The following MAPKAP1 variants were observed in gnomAD, a reference collection of about 807,000 sequenced individuals.
MAPKAP1 encodes the protein MAPK associated protein 1, also known as target of rapamycin complex 2 subunit MAPKAP1.
Under a neutral mutation model 65.7 loss-of-function variants are expected in MAPKAP1, and 20 were observed. The ratio of observed to expected loss-of-function variants is 0.30; its 90% CI spans 0.21 to 0.44. The LOEUF (loss-of-function observed/expected upper bound fraction) is 0.44. Ranked by LOEUF, MAPKAP1 falls within the 20% of genes least tolerant of loss-of-function variation. The pLI is 1.00. For synonymous variants in MAPKAP1, 222 were observed against 244.3 expected (o/e 0.91, Z 0.85); for missense variants, 423 against 648.0 (o/e 0.65, Z 3.77).
intron 6 of MAPKAP1, among the ~76,000 whole-genome samples, chr9:125,558,261 T>C (rs1044453129): frequency 6.6e-6 from 1 of 152,174 alleles, no homozygotes; most frequent in Non-Finnish European, 1.5e-5. Context: ...AGATTAAAAA[T>C]AGTTAAGATG....
intron 7 of MAPKAP1, among the ~76,000 whole-genome samples, chr9:125,522,775 C>A (rs760277755): frequency 1.2e-4 from 18 of 152,288 alleles, no homozygotes; most frequent in Non-Finnish European, 2.4e-4. Flanking sequence ...AAATTCCTTA[C>A]CCCACTCTCA....
intron 9 of MAPKAP1, among the ~76,000 whole-genome samples, chr9:125,475,832 A>G (rs968020654): frequency 1.3e-5 from 2 of 152,220 alleles, no homozygotes; most frequent in Non-Finnish European, 1.5e-5. Context: ...AAGAGAATTT[A>G]CAGTATCACT....
At chr9:125,506,234 G>T in intron 8 of MAPKAP1, 76 bp downstream of exon 8, 2 of 1,252,836 alleles carry the variant, frequency 1.6e-6, no homozygotes, top group South Asian at 2.4e-5. Context: ...CCAGACCAGT[G>T]AGCGTTTCCA....
At chr9:125,693,510 TACAC>T (rs201539307) in intron 1 of MAPKAP1, among the ~76,000 whole-genome samples, 2,863 of 139,364 alleles carry the variant, frequency 0.021, 159 homozygotes, top group East Asian at 0.16. Flanking sequence ...TATATACACA[TACAC>T]ACACATATAT....
chr9:125,698,278 AATATATATAAATATATATATATAT>A (rs1407442906), intron 1 of MAPKAP1, among the ~76,000 whole-genome samples: 4 of 26,596 alleles, frequency 1.5e-4, no homozygotes, highest in African/African-American at 2.6e-4. Flanking sequence ...TATAATACAT[AATATATATAAATATATATATATAT>A]ATATATATAT....
intron 8 of MAPKAP1, among the ~76,000 whole-genome samples, chr9:125,503,483 G>A (rs73591564): frequency 0.014 from 2,134 of 152,264 alleles, 46 homozygotes; most frequent in African/African-American, 0.047. Flanking sequence ...ATGACTTTAG[G>A]ATGACCATTT....
In MAPKAP1 at chr9:125,645,554, T is replaced by C. The variant is rs555643268; in HGVS notation, c.498+12097A>G. Among the ~76,000 whole-genome samples, 7 of 152,104 alleles carry C rather than the reference T, an allele frequency of 4.6e-5. No homozygotes were observed. The South Asian group carries it at 8.3e-4, about 18-fold the overall frequency. On this transcript the variant is annotated intron_variant, in intron 4 of 11. Coordinates refer to ENST00000265960, the MANE Select transcript of MAPKAP1 (RefSeq NM_001006617.3). ...GAGTTCAAGACCAGCCTGGCCAACA[T>C]GGTGAAACCCCGTCTCTACTAAAAA...
intron 5 of MAPKAP1, among the ~76,000 whole-genome samples, chr9:125,583,934 G>C (rs892158593): frequency 2.0e-5 from 3 of 152,144 alleles, no homozygotes; most frequent in Non-Finnish European, 4.4e-5. Context: ...GTGGTGGTAG[G>C]TGCCTGTAGT....
chr9:125,661,445 C>A (rs933463588), intron 3 of MAPKAP1, among the ~76,000 whole-genome samples: 1 of 152,196 alleles, frequency 6.6e-6, no homozygotes, highest in East Asian at 1.9e-4. Context: ...TGGGTTGGCA[C>A]TGGTACATGC....
intron 7 of MAPKAP1, among the ~76,000 whole-genome samples, chr9:125,538,427 A>C (rs1471388814): frequency 2.0e-5 from 3 of 152,064 alleles, no homozygotes; most frequent in Non-Finnish European, 4.4e-5. Flanking sequence ...AAAATTCAAG[A>C]CTGACAGCTG....
At chr9:125,644,922 G>GT (rs1564598967) in intron 4 of MAPKAP1, among the ~76,000 whole-genome samples, 1 of 151,988 alleles carries the variant, frequency 6.6e-6, no homozygotes, top group African/African-American at 2.4e-5. Flanking sequence ...TGAAAAATGT[G>GT]TTTTTTTAAT....
At chr9:125,590,078 T>A (rs1269238845) in intron 4 of MAPKAP1, among the ~76,000 whole-genome samples, 1 of 152,184 alleles carries the variant, frequency 6.6e-6, no homozygotes, top group Non-Finnish European at 1.5e-5. Flanking sequence ...TTGTCATTGC[T>A]CTCTCTTTTT....
At chr9:125,542,018 C>A (rs761439664) in intron 7 of MAPKAP1, among the ~76,000 whole-genome samples, 1 of 152,190 alleles carries the variant, frequency 6.6e-6, no homozygotes, top group Non-Finnish European at 1.5e-5. Flanking sequence ...TGCTTGCAGA[C>A]GCTAGCAGGT....
chr9:125,455,381 C>A (rs1456903794), intron 10 of MAPKAP1, among the ~76,000 whole-genome samples: 7 of 152,200 alleles, frequency 4.6e-5, no homozygotes, highest in African/African-American at 1.7e-4. Context: ...CCCCTTGCTT[C>A]CTTTTTCACC....
chr9:125,560,454 T>C (rs531931), intron 5 of MAPKAP1, among the ~76,000 whole-genome samples: 135,996 of 152,070 alleles, frequency 0.89, 62,581 homozygotes, highest in East Asian at 1. Context: ...CATGGTGGTA[T>C]GCGCCTGTAG....
chr9:125,698,339 A>AAT (rs1835493812), intron 1 of MAPKAP1, among the ~76,000 whole-genome samples: 4 of 108,502 alleles, frequency 3.7e-5, no homozygotes, highest in African/African-American at 1.4e-4. Flanking sequence ...ATATATATAA[A>AAT]ATATATATAT....
chr9:125,464,983 A>G (rs1853624721), intron 10 of MAPKAP1, among the ~76,000 whole-genome samples: 1 of 152,108 alleles, frequency 6.6e-6, no homozygotes, highest in African/African-American at 2.4e-5. Context: ...ACATGTCTCA[A>G]CTAAGACTGG....
intron 4 of MAPKAP1, among the ~76,000 whole-genome samples, chr9:125,639,129 T>C (rs995777326): frequency 4.6e-5 from 7 of 152,276 alleles, no homozygotes; most frequent in African/African-American, 1.7e-4. Flanking sequence ...TAGTCCCAGC[T>C]ACTGGGGAGC....
At chr9:125,556,660 G>C (rs1318500410) in intron 6 of MAPKAP1, among the ~76,000 whole-genome samples, 2 of 152,190 alleles carry the variant, frequency 1.3e-5, no homozygotes, top group Non-Finnish European at 2.9e-5. Flanking sequence ...GAGACAAATG[G>C]AAGGAGGAAA....
Sources: gnomAD v4.1 joint callset for allele counts (sites outside exome capture counted in the v4.1 genomes callset) on GRCh38, gnomAD v4.1.1 for gene constraint, MANE v1.5 for transcripts, NCBI Gene and HGNC (gene_info 2026-07-23, HGNC 2026-07-21) for gene names.